Variants in WSB1 observed in about 807,000 individuals in gnomAD.
WSB1 encodes WD repeat and SOCS box-containing protein 1.
In WSB1, 23 loss-of-function variants were observed where a neutral mutation model predicts 50.2. The ratio of observed to expected loss-of-function variants is 0.46; its 90% CI spans 0.33 to 0.65. The LOEUF (loss-of-function observed/expected upper bound fraction) is 0.65. Ranked by LOEUF, WSB1 falls within the 30% of genes least tolerant of loss-of-function variation. The pLI, the probability that WSB1 is intolerant of heterozygous loss-of-function variation, is 0.02. For missense variants in WSB1, 492 were observed against 522.3 expected, an observed-to-expected ratio of 0.94 and a Z score of 0.56; for synonymous variants, 179 against 172.0, an observed-to-expected ratio of 1.04 and a Z score of -0.32.
In WSB1 at chr17:27,304,768, T is replaced by C. The variant is rs201981313; in HGVS notation, c.479-12T>C. 1.1e-5 allele frequency: 17 copies of C among 1,608,262 alleles called. No homozygotes were observed. The East Asian group carries it at 3.8e-4, about 36-fold the overall frequency. On this transcript the variant is annotated splice_polypyrimidine_tract_variant and intron_variant, in intron 3 of 8. Transcript: ENST00000262394. ...AATACTGTCTTTTTTTTCCCTTTTC[T>C]ATCATATTTAGGAAAACTCCTCCTT...
intron 1 of WSB1, among the ~76,000 whole-genome samples, chr17:27,294,951 T>C (rs2016891599): frequency 1.3e-5 from 2 of 152,116 alleles, no homozygotes; most frequent in African/African-American, 2.4e-5. Flanking sequence ...AACGCAGCGG[T>C]TCGGGGGAGG....
chr17:27,312,621 A>G lies in WSB1; in HGVS notation c.*252A>G, dbSNP rs1240953275. 1 of 405,154 alleles carries G rather than the reference A, an allele frequency of 2.5e-6. No homozygotes were observed. Among genetic ancestry groups the G allele is most frequent in the East Asian group, 5.3e-5 (1 of 18,950 alleles). 25.1% of individuals were successfully genotyped at this position (405,154 alleles called of 1,614,324 possible). A position where few individuals can be genotyped will look rare whatever the true frequency, so the allele number is the denominator to read the frequency against. On this transcript the variant is annotated 3_prime_UTR_variant, in exon 9 of 9. Transcript: ENST00000262394. ...AACATACATACCTGTACATATTTAG[A>G]TATAAGCTGCTATATGTTGAATGGA...
intron 1 of WSB1, among the ~76,000 whole-genome samples, chr17:27,296,118 C>T (rs2016964842): frequency 6.6e-6 from 1 of 152,174 alleles, no homozygotes; most frequent in Middle Eastern, 3.2e-3. Flanking sequence ...CGGGCGTGAG[C>T]CACCCCGCCC....
In WSB1 at chr17:27,304,873, G is replaced by A. The variant is rs753230312; in HGVS notation, c.572G>A (p.Arg191Lys). The A allele has an allele frequency of 6.2e-7, 1 of 1,614,028 alleles. No individual in the cohort carries two copies. The highest frequency in any genetic ancestry group is 1.1e-5 in the South Asian group (1 of 91,076). The change falls in exon 4 of 9, where the codon AGA becomes AAA. Residue 191 changes from arginine (R) to lysine (K), a missense_variant. Physicochemically the swap from Arg to Lys is conservative, Grantham distance 26. Coordinates refer to ENST00000262394, the MANE Select transcript of WSB1 (RefSeq NM_015626.10). Reference sequence around the variant, plus strand: ...AGCTTGATCCTGGTGTCAGCTTCAAGAGACAAAACTCTCAGAGTATGGGAC... The same window carrying A: ...AGCTTGATCCTGGTGTCAGCTTCAAAAGACAAAACTCTCAGAGTATGGGAC... ...DGSLILVSAS[R>K]DKTLRVWDLK...
In WSB1 at chr17:27,313,572, A is replaced by T. The variant is rs1393934225; in HGVS notation, c.*1203A>T. On this transcript the variant is annotated 3_prime_UTR_variant, in exon 9 of 9. Coordinates refer to ENST00000262394, the MANE Select transcript of WSB1 (RefSeq NM_015626.10). ...ATATTAAGAATGTATGCATTATGTA[A>T]AATGCTCAATTATATATTTTTGTTG... The T allele has an allele frequency of 6.6e-6, 1 of 152,536 alleles. No homozygotes were observed. The highest frequency in any genetic ancestry group is 2.4e-5 in the African/African-American group (1 of 41,410). 9.4% of individuals were successfully genotyped at this position (152,536 alleles called of 1,614,324 possible).
chr17:27,309,274 TG>T lies in WSB1; in HGVS notation c.884+5del. The stretch of plus-strand genomic sequence containing the variant: ...TGGAGACATTCTGATGGAATTTGGG[TG>T]GGTACAGCATGAATTATTTTAGTCT... On this transcript the variant is annotated splice_donor_region_variant and intron_variant, in intron 6 of 8. Transcript: ENST00000262394. 6.2e-7 allele frequency: 1 copy of T among 1,600,622 alleles called. No individual in the cohort carries two copies. Among genetic ancestry groups the T allele is most frequent in the Non-Finnish European group, 8.5e-7 (1 of 1,172,014 alleles).
intron 1 of WSB1, among the ~76,000 whole-genome samples, chr17:27,299,103 CA>C (rs1035776081): frequency 1.3e-5 from 2 of 152,136 alleles, no homozygotes; most frequent in Non-Finnish European, 1.5e-5. Flanking sequence ...GTAAAAGGAA[CA>C]AATAAGGCTG....
In WSB1 at chr17:27,294,297, G is replaced by C; in HGVS notation, c.-99G>C. On this transcript the variant is annotated 5_prime_UTR_variant, in exon 1 of 9. Transcript: ENST00000262394. ...GCCCGTCTCCTCTGTCCCTGGGCCC[G>C]GGAGGGACCAACTTGGCGTCACGCC... The C allele has an allele frequency of 6.6e-7, 1 of 1,523,752 alleles. No homozygotes were observed. The highest frequency in any genetic ancestry group is 9.0e-7 in the Non-Finnish European group (1 of 1,116,170). 94.4% of individuals were successfully genotyped at this position (1,523,752 alleles called of 1,614,324 possible).
chr17:27,294,211 T>C lies in WSB1; in HGVS notation c.-185T>C. On this transcript the variant is annotated 5_prime_UTR_variant, in exon 1 of 9. Coordinates refer to ENST00000262394, the MANE Select transcript of WSB1 (RefSeq NM_015626.10). ...ATTGTCTGTGGTTGACTCCGTACTTTGGTCTGAGGCCTTCGGGAGCTTTCC... is the reference window on the plus strand; with the variant it reads ...ATTGTCTGTGGTTGACTCCGTACTTCGGTCTGAGGCCTTCGGGAGCTTTCC... 1.5e-6 allele frequency: 1 copy of C among 653,710 alleles called. No homozygotes were observed. The highest frequency in any genetic ancestry group is 2.0e-5 in the South Asian group (1 of 50,230). 40.5% of individuals were successfully genotyped at this position (653,710 alleles called of 1,614,324 possible). A position where few individuals can be genotyped will look rare whatever the true frequency, so the allele number is the denominator to read the frequency against.
At chr17:27,297,513 G>A (rs2017030435) in intron 1 of WSB1, among the ~76,000 whole-genome samples, 1 of 151,040 alleles carries the variant, frequency 6.6e-6, no homozygotes, top group African/African-American at 2.4e-5. Flanking sequence ...TATCACCCAA[G>A]CTGGAGTGCG....
In WSB1 at chr17:27,312,290, G is replaced by A. The variant is rs1273522880; in HGVS notation, c.1187G>A (p.Arg396Gln). The A allele has an allele frequency of 5.6e-6, 9 of 1,614,026 alleles. No individual in the cohort carries two copies. The highest frequency in any genetic ancestry group is 4.5e-5 in the East Asian group (2 of 44,892). ...CAACATTTATGTCGCATGTCAATCC[G>A]AAGAGTGATGCCCACCCAAGAAGTT... ...SLQHLCRMSI[R>Q]RVMPTQEVQE... The change falls in exon 9 of 9, where the codon CGA becomes CAA. Residue 396 changes from arginine to glutamine, a missense_variant. Transcript: ENST00000262394.
intron 3 of WSB1, among the ~76,000 whole-genome samples, chr17:27,304,268 C>T (rs1259096372): frequency 6.6e-6 from 1 of 151,892 alleles, no homozygotes; most frequent in Admixed American, 6.6e-5. Context: ...CATAGATTGT[C>T]TTAGAAAACA....
In WSB1 at chr17:27,312,585, C is replaced by A. The variant is rs2017729260; in HGVS notation, c.*216C>A. 4 of 567,906 alleles carry A rather than the reference C, an allele frequency of 7.0e-6. No individual in the cohort carries two copies. In the South Asian group the frequency reaches 1.0e-4, roughly 15 times the overall value. The allele number at this position is 567,906 out of a possible 1,614,324, so 35.2% of individuals were successfully genotyped here. On this transcript the variant is annotated 3_prime_UTR_variant, in exon 9 of 9. Transcript: ENST00000262394. Reference sequence around the variant, plus strand: ...ATCAAATATAAATTTTTTTAAAGATCTAACTGTGAAAACATACATACCTGT... The same window carrying A: ...ATCAAATATAAATTTTTTTAAAGATATAACTGTGAAAACATACATACCTGT...
At chr17:27,297,830 G>A (rs1238762346) in intron 1 of WSB1, among the ~76,000 whole-genome samples, 1 of 152,034 alleles carries the variant, frequency 6.6e-6, no homozygotes, top group Non-Finnish European at 1.5e-5. Flanking sequence ...AGTCTAGGCT[G>A]GGCACGGTGG....
At chr17:27,303,828 C>T in intron 3 of WSB1, 193 bp downstream of exon 3, 1 of 631,788 alleles carries the variant, frequency 1.6e-6, no homozygotes, top group South Asian at 2.2e-5. Flanking sequence ...CTATGGAGTT[C>T]ATATTGCTTC....
intron 1 of WSB1, among the ~76,000 whole-genome samples, chr17:27,297,465 G>A (rs1330863977): frequency 4.0e-5 from 6 of 151,300 alleles, no homozygotes; most frequent in Non-Finnish European, 5.9e-5. Context: ...CACTGCCCCC[G>A]GCCTACTCTT....
chr17:27,313,266 T>C lies in WSB1; in HGVS notation c.*897T>C, dbSNP rs1345443693. On this transcript the variant is annotated 3_prime_UTR_variant, in exon 9 of 9. Coordinates refer to ENST00000262394, the MANE Select transcript of WSB1 (RefSeq NM_015626.10). ...AGAAAAAGGATGTCTTTTTTTTTTT[T>C]TTTACTCCCCCTCTAAACACTGCTG... The C allele has an allele frequency of 6.6e-6, 1 of 152,382 alleles. No homozygotes were observed. Among genetic ancestry groups the C allele is most frequent in the Non-Finnish European group, 1.5e-5 (1 of 67,974 alleles). The allele number at this position is 152,382 out of a possible 1,614,324, so 9.4% of individuals were successfully genotyped here.
rs2017790584 is a variant in WSB1 at position 27,314,405 on chromosome 17, GTC to G, written c.*2040_*2041del. 1.3e-5 allele frequency: 2 copies of G among 152,004 alleles called. No homozygotes were observed. Among genetic ancestry groups the G allele is most frequent in the African/African-American group, 4.8e-5 (2 of 41,396 alleles). The allele number at this position is 152,004 out of a possible 1,614,324, so 9.4% of individuals were successfully genotyped here. Reference sequence around the variant, plus strand: ...GCCTGACCAACATAGTGAAACCCCTGTCTCTACTAAAATTACAAAAATTAGCT... The same window carrying G: ...GCCTGACCAACATAGTGAAACCCCTGTCTACTAAAATTACAAAAATTAGCT... On this transcript the variant is annotated 3_prime_UTR_variant, in exon 9 of 9. Coordinates refer to ENST00000262394, the MANE Select transcript of WSB1 (RefSeq NM_015626.10).
rs554689152 is a variant in WSB1 at position 27,310,501 on chromosome 17, T to TA, written c.998+331dup. 2.5e-4 allele frequency among the ~76,000 whole-genome samples: 38 copies of TA among 152,302 alleles called. No homozygotes were observed. In the East Asian group the frequency reaches 7.1e-3, roughly 29 times the overall value. On this transcript the variant is annotated intron_variant, in intron 7 of 8. Coordinates refer to ENST00000262394, the MANE Select transcript of WSB1 (RefSeq NM_015626.10). Reference sequence around the variant, plus strand: ...GAAATTTCTAAAGTGAAACAAATAGTAAAACCAAAAGAATTACAAATAAAT... The same window carrying TA: ...GAAATTTCTAAAGTGAAACAAATAGTAAAAACCAAAAGAATTACAAATAAAT...
Sources: allele counts gnomAD v4.1 joint callset (sites outside exome capture counted in the v4.1 genomes callset), GRCh38; gene constraint gnomAD v4.1.1; transcripts MANE v1.5; gene names NCBI Gene and HGNC (gene_info 2026-07-23, HGNC 2026-07-21).